RPS3: variants seen among roughly 807,000 people sequenced by gnomAD.
RPS3 encodes the protein ribosomal protein S3, also known as small ribosomal subunit protein uS3.
Under a neutral mutation model 25.8 loss-of-function variants are expected in RPS3, and 2 were observed. That is an observed-to-expected ratio of 0.08 (90% CI 0.03 to 0.24). RPS3 has a LOEUF of 0.24. Ranked by LOEUF, RPS3 falls within the 10% of genes least tolerant of loss-of-function variation. RPS3 has a pLI of 1.00. For missense variants in RPS3, 107 were observed against 307.1 expected (o/e 0.35, Z 4.87); for synonymous variants, 114 against 114.2 (o/e 1.00, Z 0.01).
intron 6 of RPS3, among the ~76,000 whole-genome samples, chr11:75,418,635 T>C (rs906584925): frequency 6.6e-6 from 1 of 152,244 alleles, no homozygotes; most frequent in Non-Finnish European, 1.5e-5. Context: ...AATTTTAGAA[T>C]GTCAAGATCC....
At chr11:75,407,804 CTG>C (rs770850674), downstream of RPS3, among the ~76,000 whole-genome samples, 66 of 152,334 alleles carry the variant, frequency 4.3e-4, no homozygotes, top group African/African-American at 9.4e-4. Flanking sequence ...TAGGTTAAGA[CTG>C]TACTGTGCCG....
chr11:75,417,364 G>A (rs1453472239), intron 6 of RPS3, among the ~76,000 whole-genome samples: 2 of 152,100 alleles, frequency 1.3e-5, no homozygotes, highest in South Asian at 2.1e-4. Context: ...TTGGGAGGCC[G>A]AGCCAGGGGA....
intron 6 of RPS3, among the ~76,000 whole-genome samples, chr11:75,412,583 C>T (rs964996687): frequency 1.3e-5 from 2 of 152,144 alleles, no homozygotes; most frequent in African/African-American, 2.4e-5. Flanking sequence ...ACTCCTGCCT[C>T]CACCCCACCA....
intron 6 of RPS3, among the ~76,000 whole-genome samples, chr11:75,416,447 CTTGA>C (rs1410221591): frequency 2.3e-4 from 33 of 143,588 alleles, no homozygotes; most frequent in Non-Finnish European, 4.5e-4. Flanking sequence ...CATTTTCCAT[CTTGA>C]TTATTTCTAT....
At chr11:75,415,282 G>A (rs1948386657) in intron 6 of RPS3, among the ~76,000 whole-genome samples, 1 of 152,200 alleles carries the variant, frequency 6.6e-6, no homozygotes, top group South Asian at 2.1e-4. Flanking sequence ...ATCTCACAGG[G>A]CTGTTGTGGG....
At chr11:75,400,544 T>A in intron 1 of RPS3, 150 bp from the exon 2 acceptor site, 1 of 1,104,992 alleles carries the variant, frequency 9.0e-7, no homozygotes, top group Non-Finnish European at 1.4e-6. Context: ...GAAGGGTTGC[T>A]GCACTCCTGT....
chr11:75,409,882 G>A (rs1948329026), downstream of RPS3, among the ~76,000 whole-genome samples: 1 of 147,956 alleles, frequency 6.8e-6, no homozygotes, highest in Admixed American at 6.6e-5. Context: ...TTCCCAGTAG[G>A]GGCGGCCGGG....
chr11:75,408,793 C>T (rs945649507), downstream of RPS3, among the ~76,000 whole-genome samples: 1 of 152,174 alleles, frequency 6.6e-6, no homozygotes, highest in African/African-American at 2.4e-5. Context: ...TGATCCACCT[C>T]CCAAAGTGCT....
Position 75,417,623 on chromosome 11 carries a change from C to T in RPS3, c.*4-4104C>T, listed in dbSNP as rs531691600. Among the ~76,000 whole-genome samples the T allele has an allele frequency of 1.2e-4, 19 of 152,218 alleles. No homozygotes were observed. In the South Asian group the frequency reaches 1.9e-3, roughly 15 times the overall value. ...CACACACAAAAATTTAAAGATTAGT[C>T]GGGCGTGGCGGCACATGCCTGTAGT... On this transcript the variant is annotated intron_variant, in intron 6 of 6. Coordinates refer to the RPS3 transcript ENST00000527446.
intron 3 of RPS3, 134 bp from the exon 4 acceptor site, chr11:75,402,215 TCTC>T: frequency 7.7e-7 from 1 of 1,290,764 alleles, no homozygotes; most frequent in Middle Eastern, 1.9e-4. Context: ...ATCAAAGCCA[TCTC>T]CTGGGCAGCA....
chr11:75,400,838 G>T lies in RPS3; in HGVS notation c.161+14G>T. 3 of 1,608,884 alleles carry T rather than the reference G, an allele frequency of 1.9e-6. No homozygotes were observed. In the South Asian group the frequency reaches 3.3e-5, roughly 18 times the overall value. On this transcript the variant is annotated intron_variant, in intron 2 of 6. Transcript: ENST00000531188. Reference sequence around the variant, plus strand: ...CTTAGCCACCAGGTAAAACTCATTTGACTGGCCATCACCTATAATTGTTAT... The same window carrying T: ...CTTAGCCACCAGGTAAAACTCATTTTACTGGCCATCACCTATAATTGTTAT...
At chr11:75,420,952 G>C (rs1948438581) in intron 6 of RPS3, among the ~76,000 whole-genome samples, 2 of 152,148 alleles carry the variant, frequency 1.3e-5, no homozygotes, top group Admixed American at 1.3e-4. Flanking sequence ...CGCCCTGCCT[G>C]GCATGTGGGA....
chr11:75,401,174 GC>G (rs968649149), intron 2 of RPS3, among the ~76,000 whole-genome samples: 13 of 152,162 alleles, frequency 8.5e-5, no homozygotes, highest in African/African-American at 2.9e-4. Context: ...GAGCCACCGC[GC>G]CCGGCAGGTT....
intron 4 of RPS3, 92 bp from the exon 5 acceptor site, chr11:75,403,928 A>G: frequency 1.6e-6 from 2 of 1,226,830 alleles, no homozygotes; most frequent in Admixed American, 2.2e-5. Context: ...TCTCCATTAA[A>G]GGAACATTGA....
downstream of RPS3, among the ~76,000 whole-genome samples, chr11:75,409,197 A>ATTTT (rs1268469985): frequency 6.8e-6 from 1 of 146,118 alleles, no homozygotes; most frequent in Non-Finnish European, 1.5e-5. Flanking sequence ...TTATTTATTT[A>ATTTT]TTTTTTTATT....
intron 6 of RPS3, among the ~76,000 whole-genome samples, chr11:75,416,048 G>C (rs1321157845): frequency 6.6e-6 from 1 of 150,676 alleles, no homozygotes; most frequent in African/African-American, 2.4e-5. Flanking sequence ...ACATGGCTAA[G>C]AGAAAAATTA....
Position 75,405,620 on chromosome 11 carries a change from C to T in RPS3, c.*10C>T, listed in dbSNP as rs11546228. 7.4e-3 allele frequency: 3,363 copies of T among 455,910 alleles called. 109 individuals are homozygous for T. Among genetic ancestry groups the T allele is most frequent in the Admixed American group, 0.066 (2,814 of 42,488 alleles). 28.2% of individuals were successfully genotyped at this position (455,910 alleles called of 1,614,324 possible). A position where few individuals can be genotyped will look rare whatever the true frequency, so the allele number is the denominator to read the frequency against. On this transcript the variant is annotated 3_prime_UTR_variant, in exon 7 of 7. Coordinates refer to ENST00000531188, the MANE Select transcript of RPS3 (RefSeq NM_001005.5). Reference sequence around the variant, plus strand: ...GTGCTTTATTTGGTTTCAGGGTCTCCTTGGCAGCTGTATTCTGGAGTCTGG... The same window carrying T: ...GTGCTTTATTTGGTTTCAGGGTCTCTTTGGCAGCTGTATTCTGGAGTCTGG...
intron 6 of RPS3, among the ~76,000 whole-genome samples, chr11:75,421,424 C>A (rs1460430367): frequency 1.3e-5 from 2 of 152,148 alleles, no homozygotes; most frequent in Admixed American, 1.3e-4. Context: ...GGCCTCACAG[C>A]GATATGCACA....
At chr11:75,409,659 AC>A (rs1948324432), downstream of RPS3, among the ~76,000 whole-genome samples, 1 of 147,830 alleles carries the variant, frequency 6.8e-6, no homozygotes, top group Admixed American at 6.7e-5. Context: ...ATTCCACAAA[AC>A]CGCCATTGTC....
Sources: gnomAD v4.1 joint callset for allele counts (sites outside exome capture counted in the v4.1 genomes callset) on GRCh38, gnomAD v4.1.1 for gene constraint, MANE v1.5 for transcripts, NCBI Gene and HGNC (gene_info 2026-07-23, HGNC 2026-07-21) for gene names.